The following EPPIN variants were observed in gnomAD, a reference collection of about 807,000 sequenced individuals.
The protein encoded by EPPIN is WAP four-disulfide core domain protein 7.
Under a neutral mutation model 18.8 loss-of-function variants are expected in EPPIN, and 14 were observed. That is an observed-to-expected ratio of 0.75 (90% CI 0.49 to 1.17). The LOEUF (loss-of-function observed/expected upper bound fraction) is 1.17. EPPIN is among the 50% of genes most tolerant of loss of function. EPPIN has a pLI of 0.00. For missense variants in EPPIN, 143 were observed against 154.2 expected (o/e 0.93, Z 0.39); for synonymous variants, 57 against 54.8 (o/e 1.04, Z -0.18).
rs1979555195 is a variant in EPPIN, at chr20:45,540,843, T to G, written c.*1301A>C. 1 of 152,212 alleles carries G rather than the reference T, an allele frequency of 6.6e-6. No individual in the cohort carries two copies. The highest frequency in any genetic ancestry group is 1.5e-5 in the Non-Finnish European group (1 of 68,034). The allele number at this position is 152,212 out of a possible 1,614,324, so 9.4% of individuals were successfully genotyped here. On this transcript the variant is annotated 3_prime_UTR_variant, in exon 4 of 4. Coordinates refer to ENST00000354280, the MANE Select transcript of EPPIN (RefSeq NM_020398.4). ...TGGGAATGTAAATTGGTTCAACCAT[T>G]GTGGAAGAGAGTGTGCCAATTCCTG...
In EPPIN at chr20:45,542,128, G is replaced by C. The variant is rs535473089; in HGVS notation, c.*16C>G. ...GAGCCACATTCTGGCAGTTCTTCCA[G>C]TGCATCCTTATCCAATCAGGGAAAG... On this transcript the variant is annotated 3_prime_UTR_variant, in exon 4 of 4. Coordinates refer to ENST00000354280, the MANE Select transcript of EPPIN (RefSeq NM_020398.4). 8.1e-6 allele frequency: 13 copies of C among 1,613,544 alleles called. 1 individual carries two copies. Among genetic ancestry groups the C allele is most frequent in the Non-Finnish European group, 1.1e-5 (13 of 1,179,778 alleles).
rs140030357 is a variant in EPPIN, at chr20:45,547,307, C to T, written c.51G>A (p.Ala17=). 396 of 1,613,930 alleles carry T rather than the reference C, an allele frequency of 2.5e-4. 1 individual carries two copies. The African/African-American group carries it at 3.5e-3, about 14-fold the overall frequency. ...CAGTCAGACCAGGTCCCTGGACATT[C>T]GCTAAGAGGACGAATAGCACCAGGA... ...LSLLVLFVLL[A]NVQGPGLTDW... Residue 17 remains alanine (A), a synonymous_variant, in exon 1 of 4, where the codon GCG becomes GCA. Coordinates refer to ENST00000354280, the MANE Select transcript of EPPIN (RefSeq NM_020398.4).
chr20:45,542,435 C>T lies in EPPIN; in HGVS notation c.391+265G>A, dbSNP rs79324074. 4.4e-3 allele frequency: 2,815 copies of T among 640,004 alleles called. 103 individuals carry two copies. The East Asian group carries it at 0.067, about 15-fold the overall frequency. The allele number at this position is 640,004 out of a possible 1,614,324, so 39.6% of individuals were successfully genotyped here. ...ATTCATCTCTGAGATTTCACCACTT[C>T]TACACCCTTCCTCCACCCCTCCTAA... On this transcript the variant is annotated intron_variant, in intron 3 of 3. Coordinates refer to ENST00000354280, the MANE Select transcript of EPPIN (RefSeq NM_020398.4).
In EPPIN at chr20:45,542,108, A is replaced by T. The variant is rs764722304; in HGVS notation, c.*36T>A. 1.3e-5 allele frequency: 21 copies of T among 1,613,144 alleles called. No homozygotes were observed. In the South Asian group the frequency reaches 2.0e-4, roughly 15 times the overall value. On this transcript the variant is annotated 3_prime_UTR_variant, in exon 4 of 4. Transcript: ENST00000354280. The stretch of plus-strand genomic sequence containing the variant: ...AGGAACAGTACTCAGAGCATGAGCC[A>T]CATTCTGGCAGTTCTTCCAGTGCAT...
At chr20:45,545,893 G>A in intron 1 of EPPIN, 123 bp from the exon 2 acceptor site, 3 of 1,469,658 alleles carry the variant, frequency 2.0e-6, no homozygotes, top group East Asian at 2.3e-5. Flanking sequence ...GCCCCCAGGA[G>A]TTCTTTTCCT....
chr20:45,542,374 C>T (rs1568988450), intron 3 of EPPIN: 7 of 672,874 alleles, frequency 1.0e-5, no homozygotes, highest in South Asian at 2.0e-5. Context: ...GGTTGGTCAA[C>T]GTGTCTTAAG....
At position 45,542,822 on chromosome 20, in the gene EPPIN, A is replaced by T. The variant is rs1309095697; in HGVS notation, c.269T>A (p.Phe90Tyr). Reference sequence around the variant, plus strand: ...TTTCTTGTCATACCACCAATGAAGAAAATAAGCCAGGCAGGGGCCAGTTTC... The same window carrying T: ...TTTCTTGTCATACCACCAATGAAGATAATAAGCCAGGCAGGGGCCAGTTTC... ...PKETGPCLAY[F>Y]LHWWYDKKDN... The change falls in exon 3 of 4, where the codon TTT (phenylalanine) becomes TAT (tyrosine). Residue 90 changes from phenylalanine (F) to tyrosine (Y), a missense_variant. Physicochemically the swap from Phe to Tyr is conservative, Grantham distance 22. Transcript: ENST00000354280. The T allele has an allele frequency of 1.9e-6, 3 of 1,613,842 alleles. No individual in the cohort carries two copies. The highest frequency in any genetic ancestry group is 2.5e-6 in the Non-Finnish European group (3 of 1,179,874).
chr20:45,542,255 A>G, intron 3 of EPPIN, 101 bp from the exon 4 acceptor site: 1 of 1,511,418 alleles, frequency 6.6e-7, no homozygotes, highest in Non-Finnish European at 9.0e-7. Context: ...AAGACACTAA[A>G]AAGTAGTGGG....
At position 45,542,682 on chromosome 20, in the gene EPPIN, G is replaced by T. The variant is rs199878924; in HGVS notation, c.391+18C>A. 6.2e-7 allele frequency: 1 copy of T among 1,609,782 alleles called. No homozygotes were observed. The highest frequency in any genetic ancestry group is 1.3e-5 in the African/African-American group (1 of 74,790). ...ATGGGACTGGAGAGGATGAAAGACC[G>T]GGGCCCCTAGGACTTACGTTTATTC... On this transcript the variant is annotated intron_variant, in intron 3 of 3. Transcript: ENST00000354280.
chr20:45,543,088 T>G (rs1223361811), intron 2 of EPPIN: 4 of 715,354 alleles, frequency 5.6e-6, no homozygotes, highest in Non-Finnish European at 6.2e-6. Flanking sequence ...CAGGTGTAAT[T>G]AGCTAAAATG....
chr20:45,542,573 G>T, intron 3 of EPPIN, 127 bp downstream of exon 3: 1 of 1,404,172 alleles, frequency 7.1e-7, no homozygotes, highest in South Asian at 1.4e-5. Flanking sequence ...CTTACCTCCT[G>T]ATCAGAGCTG....
intron 1 of EPPIN, chr20:45,546,192 A>G (rs754100637): frequency 2.6e-5 from 6 of 232,446 alleles, no homozygotes; most frequent in Non-Finnish European, 4.1e-5. Context: ...AAATCACACC[A>G]TTGTGGGCCA....
In EPPIN at chr20:45,541,865, G is replaced by C; in HGVS notation, c.*279C>G. The C allele has an allele frequency of 2.3e-6, 1 of 433,386 alleles. No individual in the cohort carries two copies. Among genetic ancestry groups the C allele is most frequent in the Non-Finnish European group, 4.1e-6 (1 of 241,292 alleles). 26.8% of individuals were successfully genotyped at this position (433,386 alleles called of 1,614,324 possible). Reference sequence around the variant, plus strand: ...ACAGGACTACATCAAGTACTTTACTGGAAAAAATTGAGAGTGACACAGGTA... The same window carrying C: ...ACAGGACTACATCAAGTACTTTACTCGAAAAAATTGAGAGTGACACAGGTA... On this transcript the variant is annotated 3_prime_UTR_variant, in exon 4 of 4. Transcript: ENST00000354280.
chr20:45,545,526 G>A lies in EPPIN; in HGVS notation c.223+113C>T, dbSNP rs777697579. On this transcript the variant is annotated intron_variant, in intron 2 of 3. Coordinates refer to ENST00000354280, the MANE Select transcript of EPPIN (RefSeq NM_020398.4). ...CTAAATCGCAGGTCTCCCAAGTCCA[G>A]CAGTTTTGCCAGAGACCAGCCCTCA... 2.6e-5 allele frequency: 41 copies of A among 1,566,772 alleles called. No individual in the cohort carries two copies. The African/African-American group carries it at 2.8e-4, about 11-fold the overall frequency.
In EPPIN at chr20:45,547,319, G is replaced by A. The variant is rs1445493990; in HGVS notation, c.39C>T (p.Phe13=). The A allele has an allele frequency of 5.6e-6, 9 of 1,613,944 alleles. No individual in the cohort carries two copies. Among genetic ancestry groups the A allele is most frequent in the Middle Eastern group, 1.7e-4 (1 of 6,056 alleles). ...SSGLLSLLVL[F]VLLANVQGPG... ...GTCCCTGGACATTCGCTAAGAGGAC[G>A]AATAGCACCAGGAGGCTCAAAAGTC... is the stretch of plus-strand genomic sequence containing the variant. Residue 13 remains phenylalanine, a synonymous_variant, in exon 1 of 4, where the codon TTC becomes TTT. Transcript: ENST00000354280.
chr20:45,544,560 T>G (rs2145552501), intron 2 of EPPIN: 1 of 152,432 alleles, frequency 6.6e-6, no homozygotes, highest in East Asian at 1.9e-4. Context: ...CTGCCCACTC[T>G]ACTTCTCTGT....
chr20:45,545,919 C>T, intron 1 of EPPIN, 149 bp from the exon 2 acceptor site: 1 of 1,208,438 alleles, frequency 8.3e-7, no homozygotes, highest in Non-Finnish European at 1.2e-6. Context: ...CAGCCTCACT[C>T]ATTTCCCTAC....
intron 3 of EPPIN, 99 bp from the exon 4 acceptor site, chr20:45,542,253 A>T: frequency 6.6e-7 from 1 of 1,517,904 alleles, no homozygotes; most frequent in Non-Finnish European, 9.0e-7. Context: ...GAAAGACACT[A>T]AAAAGTAGTG....
chr20:45,545,870 T>C (rs1979808469), intron 1 of EPPIN, 100 bp from the exon 2 acceptor site: 2 of 1,545,550 alleles, frequency 1.3e-6, no homozygotes, highest in African/African-American at 1.4e-5. Flanking sequence ...GGAAGTTTGC[T>C]TTCAGTTTGC....
Sources: allele counts gnomAD v4.1 joint callset, GRCh38; gene constraint gnomAD v4.1.1; transcripts MANE v1.5; gene names NCBI Gene and HGNC (gene_info 2026-07-23, HGNC 2026-07-21).